The following PGR variants were observed in gnomAD, a reference collection of about 807,000 sequenced individuals.
PGR encodes the protein nuclear receptor subfamily 3 group C member 3.
PGR carries 25 observed loss-of-function variants against 76.1 expected under a neutral mutation model. The observed-to-expected ratio is 0.33, with a 90% CI of 0.24 to 0.46. PGR has a LOEUF of 0.46. PGR is among the 20% of genes least tolerant of loss of function. The pLI is 1.00. For missense variants in PGR, 1,172 were observed against 1,225.3 expected, an observed-to-expected ratio of 0.96 and a Z score of 0.65; for synonymous variants, 579 against 535.0, an observed-to-expected ratio of 1.08 and a Z score of -1.14.
intron 4 of PGR, among the ~76,000 whole-genome samples, chr11:101,056,973 T>C (rs1860319002): frequency 6.6e-6 from 1 of 152,246 alleles, no homozygotes; most frequent in Non-Finnish European, 1.5e-5. Flanking sequence ...AAATCAATTC[T>C]GTAATTTAAA....
chr11:101,059,202 G>C (rs899390299), intron 4 of PGR, among the ~76,000 whole-genome samples: 3 of 151,788 alleles, frequency 2.0e-5, no homozygotes, highest in Non-Finnish European at 4.4e-5. Context: ...CAGTTTAACT[G>C]ACATTTTTGT....
chr11:101,118,698 C>A (rs938968331), intron 2 of PGR, among the ~76,000 whole-genome samples: 1 of 152,082 alleles, frequency 6.6e-6, no homozygotes, highest in Non-Finnish European at 1.5e-5. Flanking sequence ...ATTTACATAT[C>A]ACTTATTAAA....
At chr11:101,102,240 A>G (rs1862017928) in intron 2 of PGR, among the ~76,000 whole-genome samples, 1 of 152,254 alleles carries the variant, frequency 6.6e-6, no homozygotes, top group Admixed American at 6.5e-5. Context: ...AAGAAATTTT[A>G]ATACTAGCTG....
chr11:101,095,688 AACATT>A (rs1377487424), intron 2 of PGR, among the ~76,000 whole-genome samples: 4 of 152,234 alleles, frequency 2.6e-5, no homozygotes, highest in Admixed American at 2.6e-4. Flanking sequence ...AAATGAAGAT[AACATT>A]AGTACCTTGG....
At chr11:101,098,645 A>T (rs1390135490) in intron 2 of PGR, among the ~76,000 whole-genome samples, 1 of 152,236 alleles carries the variant, frequency 6.6e-6, no homozygotes, top group Non-Finnish European at 1.5e-5. Flanking sequence ...AACAAACTTA[A>T]CTGGACTCTG....
At chr11:101,121,886 G>T (rs1043744289) in intron 2 of PGR, among the ~76,000 whole-genome samples, 1 of 152,172 alleles carries the variant, frequency 6.6e-6, no homozygotes, top group Non-Finnish European at 1.5e-5. Flanking sequence ...ATGAGGACAG[G>T]CCAGGTGTGG....
intron 4 of PGR, among the ~76,000 whole-genome samples, chr11:101,053,907 G>A (rs935555921): frequency 3.3e-5 from 5 of 152,034 alleles, no homozygotes; most frequent in Admixed American, 1.3e-4. Context: ...ACTTTCCCAC[G>A]GAGAAAGCTG....
intron 1 of PGR, chr11:101,126,928 T>C (rs982316417): frequency 1.3e-5 from 2 of 152,456 alleles, no homozygotes; most frequent in Non-Finnish European, 2.9e-5. Flanking sequence ...AAGATGGTGC[T>C]GCTTTCGGTT....
At position 101,127,985 on chromosome 11, in the gene PGR, C is replaced by G. The variant is rs142077957; in HGVS notation, c.1086G>C (p.Ala362=). 2 of 1,611,832 alleles carry G rather than the reference C, an allele frequency of 1.2e-6. No individual in the cohort carries two copies. Among genetic ancestry groups the G allele is most frequent in the South Asian group, 2.2e-5 (2 of 91,082 alleles). ...CCTTGGGCTCGGCGTCGGGCGGGTA[C>G]GCGCAGTCGGGGAAGTCGCCTACAG... ...PVAVGDFPDC[A]YPPDAEPKDD... is the part of the protein sequence containing the mutation. Residue 362 remains alanine, a synonymous_variant, in exon 1 of 8, where the codon GCG becomes GCC. Transcript: ENST00000325455.
chr11:101,060,477 T>C (rs1422057780), intron 4 of PGR, among the ~76,000 whole-genome samples: 1 of 152,214 alleles, frequency 6.6e-6, no homozygotes, highest in African/African-American at 2.4e-5. Context: ...TAGACATTTA[T>C]TGAGTGAATA....
At chr11:101,101,997 T>C (rs1466862103) in intron 2 of PGR, among the ~76,000 whole-genome samples, 1 of 152,162 alleles carries the variant, frequency 6.6e-6, no homozygotes, top group African/African-American at 2.4e-5. Context: ...AACGTTTAAC[T>C]GGCATATAAT....
At chr11:101,117,523 A>C (rs2135496106) in intron 2 of PGR, among the ~76,000 whole-genome samples, 1 of 152,196 alleles carries the variant, frequency 6.6e-6, no homozygotes, top group South Asian at 2.1e-4. Flanking sequence ...TGAATTCTGG[A>C]TTTTATATCA....
chr11:101,053,559 C>T (rs1207634713), intron 4 of PGR, among the ~76,000 whole-genome samples: 1 of 123,430 alleles, frequency 8.1e-6, no homozygotes, highest in Non-Finnish European at 1.7e-5. Flanking sequence ...CTTCCCTCCC[C>T]TTCTCCCTTT....
chr11:101,117,808 G>C (rs1164438954), intron 2 of PGR, among the ~76,000 whole-genome samples: 1 of 152,072 alleles, frequency 6.6e-6, no homozygotes, highest in Non-Finnish European at 1.5e-5. Flanking sequence ...ACACATCTCT[G>C]CCAGTACTAC....
rs1443879409 is a variant in PGR at position 101,034,744 on chromosome 11, G to A, written c.*4372C>T. On this transcript the variant is annotated 3_prime_UTR_variant, in exon 8 of 8. Coordinates refer to ENST00000325455, the MANE Select transcript of PGR (RefSeq NM_000926.4). The stretch of plus-strand genomic sequence containing the variant: ...AATAATCTAGGCCCAGTTCAGCTTG[G>A]ATTCATCTTATGGATGTTGACTAAT... The A allele has an allele frequency of 5.7e-6, 1 of 174,888 alleles. No individual in the cohort carries two copies. Among genetic ancestry groups the A allele is most frequent in the Non-Finnish European group, 1.2e-5 (1 of 81,010 alleles). The allele number at this position is 174,888 out of a possible 1,614,324, so 10.8% of individuals were successfully genotyped here. A position where few individuals can be genotyped will look rare whatever the true frequency, so the allele number is the denominator to read the frequency against.
intron 3 of PGR, among the ~76,000 whole-genome samples, chr11:101,087,878 C>CA (rs1398704331): frequency 2.0e-5 from 3 of 152,040 alleles, no homozygotes; most frequent in African/African-American, 4.8e-5. Flanking sequence ...GCGACAATGA[C>CA]ATACCATCTT....
intron 2 of PGR, among the ~76,000 whole-genome samples, chr11:101,108,163 A>T (rs1317777933): frequency 9.9e-5 from 15 of 151,318 alleles, no homozygotes; most frequent in Admixed American, 9.9e-4. Flanking sequence ...CTGAGGCAGG[A>T]GAGTCACTTG....
intron 7 of PGR, among the ~76,000 whole-genome samples, chr11:101,041,426 C>G (rs999777443): frequency 1.3e-5 from 2 of 152,014 alleles, no homozygotes; most frequent in Non-Finnish European, 2.9e-5. Flanking sequence ...TTTTTTCCCC[C>G]TCTGCTATGG....
At chr11:101,126,347 A>G (rs2135510721) in intron 1 of PGR, among the ~76,000 whole-genome samples, 189 bp from the exon 2 acceptor site, 1 of 152,334 alleles carries the variant, frequency 6.6e-6, no homozygotes, top group East Asian at 1.9e-4. Flanking sequence ...ATACTTGCAA[A>G]TGATTAGCCA....
Sources: gnomAD v4.1 joint callset for allele counts (sites outside exome capture counted in the v4.1 genomes callset) on GRCh38, gnomAD v4.1.1 for gene constraint, MANE v1.5 for transcripts, NCBI Gene and HGNC (gene_info 2026-07-23, HGNC 2026-07-21) for gene names.